The following PBX1 variants were observed in gnomAD, a reference collection of about 807,000 sequenced individuals.
PBX1 encodes the protein pre-B-cell leukemia transcription factor 1.
Under a neutral mutation model 53.4 loss-of-function variants are expected in PBX1, and 6 were observed. The ratio of observed to expected loss-of-function variants is 0.11; its 90% CI spans 0.06 to 0.22. PBX1 has a LOEUF of 0.22. PBX1 is among the 10% of genes least tolerant of loss of function. PBX1 has a pLI of 1.00. For missense variants in PBX1, 251 were observed against 551.4 expected (o/e 0.46, Z 5.46); for synonymous variants, 204 against 212.3 (o/e 0.96, Z 0.34).
At chr1:164,660,127 T>G (rs1660397839) in intron 2 of PBX1, among the ~76,000 whole-genome samples, 1 of 152,170 alleles carries the variant, frequency 6.6e-6, no homozygotes, top group South Asian at 2.1e-4. Flanking sequence ...GGGGCAATAT[T>G]CTACAGGGTA....
chr1:164,859,375 C>G (rs567422920), intron 2 of PBX1, among the ~76,000 whole-genome samples: 1 of 152,278 alleles, frequency 6.6e-6, no homozygotes, highest in Admixed American at 6.5e-5. Flanking sequence ...TTTCAGAGAA[C>G]AAGAGACTGT....
intron 2 of PBX1, among the ~76,000 whole-genome samples, chr1:164,610,799 T>A (rs1293552143): frequency 6.6e-6 from 1 of 152,140 alleles, no homozygotes; most frequent in Non-Finnish European, 1.5e-5. Context: ...GGATGGTACA[T>A]TTGCATGCTC....
chr1:164,656,169 T>C (rs1362759448), intron 2 of PBX1, among the ~76,000 whole-genome samples: 1 of 152,220 alleles, frequency 6.6e-6, no homozygotes, highest in East Asian at 1.9e-4. Flanking sequence ...TCTATCGATA[T>C]GGCTACTCAG....
chr1:164,565,181 C>T (rs924357885), intron 2 of PBX1, among the ~76,000 whole-genome samples: 5 of 152,032 alleles, frequency 3.3e-5, no homozygotes, highest in Admixed American at 2.6e-4. Context: ...TTAAAGAGTT[C>T]GCTCCTTGTT....
chr1:164,571,529 C>A (rs1242402575), intron 2 of PBX1, among the ~76,000 whole-genome samples: 1 of 149,860 alleles, frequency 6.7e-6, no homozygotes, highest in Non-Finnish European at 1.5e-5. Context: ...CTTCATTTTT[C>A]TTTATGGCCA....
intron 2 of PBX1, among the ~76,000 whole-genome samples, chr1:164,662,920 C>T (rs545157625): frequency 2.0e-5 from 3 of 152,140 alleles, no homozygotes; most frequent in Admixed American, 2.0e-4. Flanking sequence ...CTACCTTCTT[C>T]ATTTATTATT....
chr1:164,766,198 G>T (rs1379252362), intron 2 of PBX1, among the ~76,000 whole-genome samples: 2 of 152,186 alleles, frequency 1.3e-5, no homozygotes, highest in African/African-American at 4.8e-5. Flanking sequence ...TATATGCTAG[G>T]GTGAAGGGAA....
chr1:164,727,927 G>A (rs1046643673), intron 2 of PBX1, among the ~76,000 whole-genome samples: 1 of 152,198 alleles, frequency 6.6e-6, no homozygotes, highest in Non-Finnish European at 1.5e-5. Context: ...ACATTTGTGT[G>A]CTCCCTTCGT....
At position 164,611,969 on chromosome 1, in the gene PBX1, C is replaced by T. The variant is rs114623685; in HGVS notation, c.265+48658C>T. ...AGTGTCAGGTTACACCCCAGCCTCCCCTTGGCCCATTTATAAACCTGACAC... is the reference window on the plus strand; with the variant it reads ...AGTGTCAGGTTACACCCCAGCCTCCTCTTGGCCCATTTATAAACCTGACAC... On this transcript the variant is annotated intron_variant, in intron 2 of 8. Transcript: ENST00000420696. 4.1e-3 allele frequency among the ~76,000 whole-genome samples: 628 copies of T among 152,226 alleles called. 4 individuals are homozygous for T. The highest frequency in any genetic ancestry group is 0.014 in the African/African-American group (599 of 41,530).
chr1:164,587,900 C>T (rs1655061553), intron 2 of PBX1, among the ~76,000 whole-genome samples: 1 of 152,186 alleles, frequency 6.6e-6, no homozygotes, highest in Non-Finnish European at 1.5e-5. Context: ...TTTTCTGAAT[C>T]TCCTGCACAG....
downstream of PBX1, among the ~76,000 whole-genome samples, chr1:164,853,927 TTTTA>T (rs1399946892): frequency 1.5e-5 from 2 of 137,854 alleles, no homozygotes; most frequent in Admixed American, 7.1e-5. Flanking sequence ...ATTTATTTAT[TTTTA>T]TTTATTTTAT....
intron 2 of PBX1, among the ~76,000 whole-genome samples, chr1:164,875,728 A>C (rs1054049487): frequency 6.6e-6 from 1 of 150,882 alleles, no homozygotes; most frequent in East Asian, 2.0e-4. Context: ...AGCCAACCAC[A>C]CTCCTCTGAG....
chr1:164,798,275 T>C (rs1293945492), intron 3 of PBX1, among the ~76,000 whole-genome samples: 1 of 152,242 alleles, frequency 6.6e-6, no homozygotes, highest in Non-Finnish European at 1.5e-5. Flanking sequence ...ACAACGGCAA[T>C]GCAATGTTAT....
At chr1:164,834,164 A>T (rs1299176327) in intron 8 of PBX1, among the ~76,000 whole-genome samples, 1 of 150,392 alleles carries the variant, frequency 6.6e-6, no homozygotes, top group Non-Finnish European at 1.5e-5. Context: ...TTGATCCATA[A>T]TTCATTCATT....
intron 2 of PBX1, among the ~76,000 whole-genome samples, chr1:164,782,733 G>A (rs1158791178): frequency 6.6e-6 from 1 of 152,210 alleles, no homozygotes; most frequent in Non-Finnish European, 1.5e-5. Context: ...GCCACTAGGA[G>A]CTGGAAGCTA....
At chr1:164,779,619 T>C (rs1384848100) in intron 2 of PBX1, among the ~76,000 whole-genome samples, 1 of 152,212 alleles carries the variant, frequency 6.6e-6, no homozygotes, top group African/African-American at 2.4e-5. Context: ...CATGAGCCCC[T>C]GCAAAGTTCT....
In PBX1 at chr1:164,559,828, C is replaced by T; in HGVS notation, c.6C>T (p.Asp2=). The change falls in exon 1 of 9, where the codon GAC becomes GAT. Residue 2 remains aspartate (D), a synonymous_variant. Transcript: ENST00000420696. ...GGCTGCCGTAGCCTTTGGAGATGGA[C>T]GAGCAGCCCAGGCTGATGCATTCCC... M[D]EQPRLMHSHA... 6.5e-7 allele frequency: 1 copy of T among 1,545,344 alleles called. No homozygotes were observed. The highest frequency in any genetic ancestry group is 8.7e-7 in the Non-Finnish European group (1 of 1,144,538).
intron 2 of PBX1, among the ~76,000 whole-genome samples, chr1:164,712,344 G>A (rs575653247): frequency 2.6e-5 from 4 of 152,222 alleles, no homozygotes; most frequent in South Asian, 2.1e-4. Context: ...TATTCTGTTC[G>A]GGAAAACGAT....
In PBX1 at chr1:164,559,529, G is replaced by A; in HGVS notation, c.-294G>A. ...CTGATTTCTTTTCGCCAAGTGGGAA[G>A]GTGGTTTATTTTTCTTGCTTTTTGG... On this transcript the variant is annotated 5_prime_UTR_variant, in exon 1 of 9. Coordinates refer to ENST00000420696, the MANE Select transcript of PBX1 (RefSeq NM_002585.4). The A allele has an allele frequency of 2.8e-6, 1 of 351,700 alleles. No individual in the cohort carries two copies. The highest frequency in any genetic ancestry group is 5.1e-6 in the Non-Finnish European group (1 of 196,620). 21.8% of individuals were successfully genotyped at this position (351,700 alleles called of 1,614,324 possible). A position where few individuals can be genotyped will look rare whatever the true frequency, so the allele number is the denominator to read the frequency against.
Sources: allele counts gnomAD v4.1 joint callset (sites outside exome capture counted in the v4.1 genomes callset), GRCh38; gene constraint gnomAD v4.1.1; transcripts MANE v1.5; gene names NCBI Gene and HGNC (gene_info 2026-07-23, HGNC 2026-07-21).